Variants in CTNNA3 observed in about 807,000 individuals in gnomAD.
CTNNA3 encodes catenin alpha 3, also known as catenin alpha-3.
Under a neutral mutation model 95.7 loss-of-function variants are expected in CTNNA3, and 76 were observed. The observed-to-expected ratio is 0.79, with a 90% CI of 0.66 to 0.96. The LOEUF (loss-of-function observed/expected upper bound fraction) is 0.96, where lower values mean the gene tolerates loss of function less well. Among genes scored for constraint, CTNNA3 ranks in the 40% least tolerant of loss-of-function variants. CTNNA3 has a pLI of 0.00. For synonymous variants in CTNNA3, 431 were observed against 374.4 expected (o/e 1.15, Z -1.74); for missense variants, 1,191 against 1,089.8 (o/e 1.09, Z -1.31).
At chr10:66,242,348 C>A (rs10996999) in intron 13 of CTNNA3, among the ~76,000 whole-genome samples, 122,899 of 152,150 alleles carry the variant, frequency 0.81, 49,982 homozygotes, top group South Asian at 0.94. Flanking sequence ...CCAAAATCAG[C>A]TTTTCACTTA....
chr10:67,058,019 C>G (rs187552870), intron 7 of CTNNA3, among the ~76,000 whole-genome samples: 1 of 152,292 alleles, frequency 6.6e-6, no homozygotes, highest in Admixed American at 6.5e-5. Context: ...TTCCCCACAT[C>G]ATAGACACAC....
At chr10:66,608,423 T>C (rs1298658827) in intron 10 of CTNNA3, among the ~76,000 whole-genome samples, 2 of 152,018 alleles carry the variant, frequency 1.3e-5, no homozygotes, top group Non-Finnish European at 2.9e-5. Context: ...CCAATGACAC[T>C]CTTCACACAA....
chr10:67,186,766 T>A (rs1862869271), intron 6 of CTNNA3, among the ~76,000 whole-genome samples: 1 of 152,190 alleles, frequency 6.6e-6, no homozygotes, highest in African/African-American at 2.4e-5. Context: ...TCCATTGAAA[T>A]AGAAAATATT....
intron 9 of CTNNA3, among the ~76,000 whole-genome samples, chr10:66,745,682 T>A (rs1163924844): frequency 7.0e-6 from 1 of 142,598 alleles, no homozygotes; most frequent in African/African-American, 2.6e-5. Context: ...CTCCACCTCC[T>A]GGGTTTACAC....
rs17175307 is a variant in CTNNA3 at position 66,241,535 on chromosome 10, A to G, written c.1884+38935T>C. On this transcript the variant is annotated intron_variant, in intron 13 of 17. Coordinates refer to ENST00000433211, the MANE Select transcript of CTNNA3 (RefSeq NM_013266.4). ...ATCGGAAATCATTTAAAATCAGAAA[A>G]CTGAGAAATTGAGAAATAATCAAAA... Among the ~76,000 whole-genome samples the G allele has an allele frequency of 6.8e-3, 1,031 of 152,242 alleles. 30 individuals are homozygous for G. Among genetic ancestry groups the G allele is most frequent in the Admixed American group, 0.045 (695 of 15,280 alleles).
rs1564903161 is a variant in CTNNA3, at chr10:66,367,873, TA to T, written c.1732+11278del. On this transcript the variant is annotated intron_variant, in intron 12 of 17. Transcript: ENST00000433211. Reference sequence around the variant, plus strand: ...TTTATAATAATAATAATAATAATAATAATAATAATTATTATTATTATTATTA... The same window carrying T: ...TTTATAATAATAATAATAATAATAATATAATAATTATTATTATTATTATTA... 8.8e-4 allele frequency among the ~76,000 whole-genome samples: 17 copies of T among 19,214 alleles called. 1 individual carries two copies. The highest frequency in any genetic ancestry group is 2.3e-3 in the African/African-American group (15 of 6,600). 12.6% of individuals were successfully genotyped at this position (19,214 alleles called of 152,430 possible).
At chr10:66,722,702 T>C (rs943722035) in intron 9 of CTNNA3, among the ~76,000 whole-genome samples, 2 of 152,150 alleles carry the variant, frequency 1.3e-5, no homozygotes, top group Non-Finnish European at 2.9e-5. Context: ...AGTGCATTCC[T>C]GAGGGTACTT....
At chr10:66,022,735 A>G (rs929824461) in intron 15 of CTNNA3, among the ~76,000 whole-genome samples, 1 of 152,018 alleles carries the variant, frequency 6.6e-6, no homozygotes, top group Non-Finnish European at 1.5e-5. Context: ...CATACTAAAC[A>G]CTTCTTACCA....
chr10:66,974,552 T>C (rs1849918593), intron 7 of CTNNA3, among the ~76,000 whole-genome samples: 1 of 152,212 alleles, frequency 6.6e-6, no homozygotes, highest in Non-Finnish European at 1.5e-5. Context: ...GTAGTGTAAG[T>C]GAATGCTTAC....
intron 10 of CTNNA3, among the ~76,000 whole-genome samples, chr10:66,619,574 A>C (rs1413935134): frequency 1.7e-5 from 1 of 58,432 alleles, no homozygotes; most frequent in African/African-American, 6.5e-5. Flanking sequence ...GGGTGGGGGG[A>C]GGGGGGAGGG....
intron 9 of CTNNA3, among the ~76,000 whole-genome samples, chr10:66,675,205 C>T (rs1846807105): frequency 6.6e-6 from 1 of 151,936 alleles, no homozygotes; most frequent in Non-Finnish European, 1.5e-5. Context: ...CCATTGTCAG[C>T]TCCTTGATTA....
At chr10:66,749,261 T>A (rs1207754035) in intron 9 of CTNNA3, among the ~76,000 whole-genome samples, 1 of 149,850 alleles carries the variant, frequency 6.7e-6, no homozygotes, top group African/African-American at 2.5e-5. Context: ...GATATTCTCC[T>A]GGTGTTGTAC....
chr10:65,941,590 G>T (rs1312233803), intron 17 of CTNNA3, among the ~76,000 whole-genome samples: 2 of 152,182 alleles, frequency 1.3e-5, no homozygotes, highest in Non-Finnish European at 2.9e-5. Flanking sequence ...TGTACTAGGG[G>T]TTTGTATGGG....
intron 1 of CTNNA3, among the ~76,000 whole-genome samples, chr10:67,739,343 A>G (rs1199491966): frequency 1.3e-5 from 2 of 152,188 alleles, no homozygotes; most frequent in African/African-American, 4.8e-5. Context: ...AGGGTATTCA[A>G]TTAGGAAAAG....
intron 13 of CTNNA3, among the ~76,000 whole-genome samples, chr10:66,111,526 T>C (rs971696426): frequency 2.0e-5 from 3 of 152,250 alleles, no homozygotes; most frequent in African/African-American, 7.2e-5. Context: ...ATGCACGGCA[T>C]GGCCGTATGT....
At chr10:66,450,533 G>C (rs1018810152) in intron 11 of CTNNA3, among the ~76,000 whole-genome samples, 1 of 152,038 alleles carries the variant, frequency 6.6e-6, no homozygotes, top group African/African-American at 2.4e-5. Flanking sequence ...CAGTGAATAA[G>C]AAGATAAGGA....
At chr10:67,476,436 C>G (rs1848015558) in intron 5 of CTNNA3, among the ~76,000 whole-genome samples, 1 of 152,100 alleles carries the variant, frequency 6.6e-6, no homozygotes, top group South Asian at 2.1e-4. Flanking sequence ...CTCTCCACCC[C>G]ACTCCCAGAC....
chr10:67,357,148 G>T (rs1842839281), intron 5 of CTNNA3, among the ~76,000 whole-genome samples: 1 of 151,930 alleles, frequency 6.6e-6, no homozygotes, highest in Admixed American at 6.6e-5. Context: ...AACTATCCAA[G>T]CTCTTATCTA....
At chr10:67,307,240 T>G (rs1164539169) in intron 5 of CTNNA3, among the ~76,000 whole-genome samples, 4 of 152,246 alleles carry the variant, frequency 2.6e-5, no homozygotes, top group Non-Finnish European at 5.9e-5. Flanking sequence ...ATGGATTCTA[T>G]TGCTACATTT....
Sources: allele counts gnomAD v4.1 joint callset (sites outside exome capture counted in the v4.1 genomes callset), GRCh38; gene constraint gnomAD v4.1.1; transcripts MANE v1.5; gene names NCBI Gene and HGNC (gene_info 2026-07-23, HGNC 2026-07-21).